TMEM45A: variants seen among roughly 807,000 people sequenced by gnomAD.
The protein encoded by TMEM45A is DNA polymerase-transactivated protein 4.
Under a neutral mutation model 32.0 loss-of-function variants are expected in TMEM45A, and 25 were observed. The observed-to-expected ratio is 0.78, with a 90% CI of 0.57 to 1.09. TMEM45A has a LOEUF of 1.09. Ranked by LOEUF, TMEM45A falls within the 50% of genes least tolerant of loss-of-function variation. TMEM45A has a pLI of 0.00. For missense variants in TMEM45A, 302 were observed against 325.0 expected (o/e 0.93, Z 0.54); for synonymous variants, 122 against 114.8 (o/e 1.06, Z -0.40).
chr3:100,532,914 C>T lies in TMEM45A; in HGVS notation c.-3-22295C>T, dbSNP rs547370306. Among the ~76,000 whole-genome samples, 21 of 152,288 alleles carry T rather than the reference C, an allele frequency of 1.4e-4. No homozygotes were observed. In the South Asian group the frequency reaches 4.1e-3, roughly 30 times the overall value. Reference sequence around the variant, plus strand: ...TGGGTATTTGATAAATGCCATTTTTCTTCCTTTGTTCCTTTTTGGACATAG... The same window carrying T: ...TGGGTATTTGATAAATGCCATTTTTTTTCCTTTGTTCCTTTTTGGACATAG... On this transcript the variant is annotated intron_variant, in intron 1 of 5. Coordinates refer to ENST00000323523, the MANE Select transcript of TMEM45A (RefSeq NM_018004.3).
At chr3:100,540,954 G>A (rs1244721457) in intron 1 of TMEM45A, among the ~76,000 whole-genome samples, 2 of 152,142 alleles carry the variant, frequency 1.3e-5, no homozygotes, top group Non-Finnish European at 2.9e-5. Flanking sequence ...CAGTGTACAA[G>A]TGTTCCCTTT....
chr3:100,523,686 CCTCCTT>C (rs33980481), intron 1 of TMEM45A, among the ~76,000 whole-genome samples: 50,212 of 149,138 alleles, frequency 0.34, 9,937 homozygotes, highest in African/African-American at 0.52. Context: ...CCTCCTTTCT[CCTCCTT>C]CTCCTTCTCC....
chr3:100,575,731 A>T (rs66644999), intron 5 of TMEM45A, among the ~76,000 whole-genome samples: 19,910 of 152,076 alleles, frequency 0.13, 1,596 homozygotes, highest in East Asian at 0.32. Flanking sequence ...TGAGCTTCTT[A>T]ATTCATCATG....
chr3:100,531,449 T>C (rs907975646), intron 1 of TMEM45A, among the ~76,000 whole-genome samples: 2 of 152,228 alleles, frequency 1.3e-5, no homozygotes, highest in African/African-American at 2.4e-5. Context: ...AACTCAGAGC[T>C]GGAGTTTGCA....
rs191108637 is a variant in TMEM45A, at chr3:100,576,456, A to T, written c.735-469A>T. 3.6e-4 allele frequency among the ~76,000 whole-genome samples: 54 copies of T among 151,136 alleles called. No individual in the cohort carries two copies. In the East Asian group the frequency reaches 5.1e-3, roughly 14 times the overall value. ...TGGATGACACAGCAAAACTCCGTTT[A>T]AAAAAAAATAATAATTAGCTGGGTG... On this transcript the variant is annotated intron_variant, in intron 5 of 5. Transcript: ENST00000323523.
intron 1 of TMEM45A, among the ~76,000 whole-genome samples, chr3:100,512,303 ACT>A (rs1276072478): frequency 6.6e-6 from 1 of 152,216 alleles, no homozygotes; most frequent in African/African-American, 2.4e-5. Flanking sequence ...TCAAACTAGA[ACT>A]CAGGATTAAG....
Position 100,532,639 on chromosome 3 carries a change from G to T in TMEM45A, c.-3-22570G>T, listed in dbSNP as rs193196422. Among the ~76,000 whole-genome samples the T allele has an allele frequency of 2.9e-3, 448 of 152,020 alleles. 2 individuals carry two copies. Among genetic ancestry groups the T allele is most frequent in the Non-Finnish European group, 4.7e-3 (319 of 68,008 alleles). On this transcript the variant is annotated intron_variant, in intron 1 of 5. Transcript: ENST00000323523. The stretch of plus-strand genomic sequence containing the variant: ...AGCCAGCATTTGATAATTGTTCATT[G>T]TTCTTGTTATGGTTGTTATAGTTGT...
chr3:100,535,690 C>T (rs1705728050), intron 1 of TMEM45A, among the ~76,000 whole-genome samples: 1 of 152,160 alleles, frequency 6.6e-6, no homozygotes, highest in South Asian at 2.1e-4. Flanking sequence ...TCCTTGGCCT[C>T]ATATATGCAT....
intron 1 of TMEM45A, among the ~76,000 whole-genome samples, chr3:100,509,212 G>A (rs1235266201): frequency 6.6e-6 from 1 of 152,132 alleles, no homozygotes; most frequent in Non-Finnish European, 1.5e-5. Flanking sequence ...TTAAAGAACT[G>A]CAAATCAAAA....
chr3:100,559,327 C>T (rs184854044), intron 4 of TMEM45A, among the ~76,000 whole-genome samples: 3 of 152,180 alleles, frequency 2.0e-5, no homozygotes, highest in African/African-American at 7.2e-5. Flanking sequence ...TTTTTAGTCA[C>T]CAGAGAACAC....
intron 1 of TMEM45A, among the ~76,000 whole-genome samples, chr3:100,516,383 G>T (rs929353978): frequency 6.6e-6 from 1 of 152,226 alleles, no homozygotes; most frequent in African/African-American, 2.4e-5. Flanking sequence ...AGTAAAAGAG[G>T]TGGGGTGAAT....
intron 4 of TMEM45A, among the ~76,000 whole-genome samples, chr3:100,567,326 G>C (rs1706462543): frequency 6.6e-6 from 1 of 151,742 alleles, no homozygotes; most frequent in Admixed American, 6.6e-5. Flanking sequence ...AGACATATGA[G>C]TTTATTTCTG....
At chr3:100,520,884 T>C (rs1705425530) in intron 1 of TMEM45A, among the ~76,000 whole-genome samples, 1 of 152,144 alleles carries the variant, frequency 6.6e-6, no homozygotes, top group Non-Finnish European at 1.5e-5. Flanking sequence ...AATCACATCA[T>C]GGTGTCACAG....
At chr3:100,518,053 C>G (rs1705335733) in intron 1 of TMEM45A, among the ~76,000 whole-genome samples, 2 of 152,128 alleles carry the variant, frequency 1.3e-5, no homozygotes, top group Non-Finnish European at 2.9e-5. Context: ...TTAGGAGGGT[C>G]TGCTGGTTAG....
chr3:100,552,645 G>T (rs1706131364), intron 1 of TMEM45A, among the ~76,000 whole-genome samples: 1 of 152,226 alleles, frequency 6.6e-6, no homozygotes, highest in South Asian at 2.1e-4. Flanking sequence ...TCTGGCAGTA[G>T]GTGGGTTGAT....
intron 1 of TMEM45A, among the ~76,000 whole-genome samples, chr3:100,523,696 C>CTTCTCCTCCTCCTCCT (rs1559639847): frequency 4.6e-5 from 7 of 150,602 alleles, no homozygotes; most frequent in African/African-American, 1.5e-4. Context: ...CCTCCTTCTC[C>CTTCTCCTCCTCCTCCT]TTCTCCTCCT....
chr3:100,533,523 C>T (rs1705687859), intron 1 of TMEM45A, among the ~76,000 whole-genome samples: 1 of 152,082 alleles, frequency 6.6e-6, no homozygotes, highest in South Asian at 2.1e-4. Context: ...TTTGTGCACT[C>T]CCATGAGAAT....
At chr3:100,564,587 G>A (rs972009884) in intron 4 of TMEM45A, among the ~76,000 whole-genome samples, 33 of 151,834 alleles carry the variant, frequency 2.2e-4, no homozygotes, top group African/African-American at 7.0e-4. Flanking sequence ...GGGTTCAAGC[G>A]ATTCTCCTGC....
At chr3:100,526,007 C>A (rs1230190709) in intron 1 of TMEM45A, among the ~76,000 whole-genome samples, 1 of 152,196 alleles carries the variant, frequency 6.6e-6, no homozygotes. Context: ...TCCTTGTTCT[C>A]TCCCGCGGCT....
Sources: allele counts gnomAD v4.1 joint callset (sites outside exome capture counted in the v4.1 genomes callset), GRCh38; gene constraint gnomAD v4.1.1; transcripts MANE v1.5; gene names NCBI Gene and HGNC (gene_info 2026-07-23, HGNC 2026-07-21).